The following CALN1 variants were observed in gnomAD, a reference collection of about 807,000 sequenced individuals.
CALN1 encodes the protein calcium-binding protein 8.
Under a neutral mutation model 30.6 loss-of-function variants are expected in CALN1, and 17 were observed. The ratio of observed to expected loss-of-function variants is 0.56; its 90% CI spans 0.38 to 0.83. The LOEUF is 0.83. Ranked by LOEUF, CALN1 falls within the 40% of genes least tolerant of loss-of-function variation. The probability of loss-of-function intolerance (pLI) is 0.00; values close to 1 mark genes in which losing one functional copy is unlikely to be tolerated. For missense variants in CALN1, 291 were observed against 354.9 expected (o/e 0.82, Z 1.45); for synonymous variants, 156 against 131.4 (o/e 1.19, Z -1.28).
At chr7:72,320,940 G>A (rs1016510134) in intron 2 of CALN1, among the ~76,000 whole-genome samples, 1 of 151,542 alleles carries the variant, frequency 6.6e-6, no homozygotes, top group African/African-American at 2.4e-5. Context: ...CCACAGCTGT[G>A]TGACTTTCAG....
intron 2 of CALN1, among the ~76,000 whole-genome samples, chr7:72,284,558 A>C (rs971034601): frequency 2.6e-5 from 4 of 152,184 alleles, no homozygotes; most frequent in Non-Finnish European, 5.9e-5. Flanking sequence ...ATAGGCCTAC[A>C]TGGAATGAAC....
intron 1 of CALN1, among the ~76,000 whole-genome samples, chr7:72,403,707 T>A (rs1806508471): frequency 6.6e-6 from 1 of 152,216 alleles, no homozygotes; most frequent in Non-Finnish European, 1.5e-5. Context: ...ATTTTTCCAT[T>A]CGTACCCCCG....
chr7:72,175,240 A>AT lies in CALN1; in HGVS notation c.245-68947dup, dbSNP rs1456288805. 7.9e-5 allele frequency among the ~76,000 whole-genome samples: 12 copies of AT among 151,922 alleles called. No homozygotes were observed. The East Asian group carries it at 2.1e-3, about 27-fold the overall frequency. On this transcript the variant is annotated intron_variant, in intron 3 of 6. Coordinates refer to ENST00000395275, the MANE Select transcript of CALN1 (RefSeq NM_031468.4). ...AGGCGCCCGCCACCACACCCAGCTAATTTTTTGTATTTTTAGTAGAGACAG... is the reference window on the plus strand; with the variant it reads ...AGGCGCCCGCCACCACACCCAGCTAATTTTTTTGTATTTTTAGTAGAGACAG...
chr7:71,805,589 A>G (rs1272096472), intron 6 of CALN1, among the ~76,000 whole-genome samples: 2 of 152,186 alleles, frequency 1.3e-5, no homozygotes, highest in Non-Finnish European at 2.9e-5. Flanking sequence ...AAATTAATCA[A>G]GGAAGAAGGG....
rs1340803729 is a variant in CALN1 at position 72,098,760 on chromosome 7, GCGCGCA to G, written c.388+7385_388+7390del. Among the ~76,000 whole-genome samples the G allele has an allele frequency of 4.8e-3, 482 of 101,364 alleles. 4 individuals are homozygous for G. The highest frequency in any genetic ancestry group is 7.3e-3 in the Non-Finnish European group (339 of 46,676). The allele number at this position is 101,364 out of a possible 152,430, so 66.5% of individuals were successfully genotyped here. ...AACTCTGAGCAGTTCAGCCCATTTGGCGCGCACACACACACACACACACACACACAC... is the reference window on the plus strand; with the variant it reads ...AACTCTGAGCAGTTCAGCCCATTTGGCACACACACACACACACACACACAC... On this transcript the variant is annotated intron_variant, in intron 4 of 6. Coordinates refer to ENST00000395275, the MANE Select transcript of CALN1 (RefSeq NM_031468.4).
chr7:72,419,010 C>CAAAAAAAAAAGAGAGAGAGACA (rs1807520044), intron 1 of CALN1, among the ~76,000 whole-genome samples: 1 of 151,960 alleles, frequency 6.6e-6, no homozygotes, highest in Admixed American at 6.6e-5. Context: ...AGCAAGACTC[C>CAAAAAAAAAAGAGAGAGAGACA]AAGTAATCCC....
intron 3 of CALN1, among the ~76,000 whole-genome samples, chr7:72,215,846 G>C (rs508374): frequency 0.018 from 2,721 of 152,208 alleles, 73 homozygotes; most frequent in African/African-American, 0.062. Flanking sequence ...CCCAGCCAGT[G>C]ACTGGGCTGG....
intron 5 of CALN1, among the ~76,000 whole-genome samples, chr7:71,953,809 G>C (rs114758746): frequency 0.012 from 1,834 of 152,092 alleles, 33 homozygotes; most frequent in African/African-American, 0.041. Context: ...GATGGGGCTG[G>C]GCTGATGTTT....
intron 1 of CALN1, among the ~76,000 whole-genome samples, chr7:72,441,352 C>A (rs1245512804): frequency 1.3e-5 from 2 of 152,028 alleles, no homozygotes; most frequent in Non-Finnish European, 2.9e-5. Context: ...AATCCCAGCA[C>A]TTTGGGAAGC....
chr7:72,106,230 C>G lies in CALN1; in HGVS notation c.309G>C (p.Leu103=), dbSNP rs1807099071. ...ACCCCAAAGAGCGCATGGCCATGCC[C>G]AGCTCCTGCTTGGAGATGAAGCCGT... ...DGNGFISKQE[L]GMAMRSLGYM... is the part of the protein sequence containing the mutation. Residue 103 remains leucine (L), a synonymous_variant, in exon 4 of 7, where the codon CTG becomes CTC. Transcript: ENST00000395275. 3.3e-5 allele frequency: 53 copies of G among 1,614,054 alleles called. No individual in the cohort carries two copies. The highest frequency in any genetic ancestry group is 4.5e-5 in the Non-Finnish European group (53 of 1,180,024).
intron 5 of CALN1, among the ~76,000 whole-genome samples, chr7:71,892,130 C>G (rs1015142555): frequency 4.9e-4 from 75 of 151,986 alleles, no homozygotes; most frequent in African/African-American, 1.7e-3. Context: ...TGCACAGAAC[C>G]TTGGCCACAT....
At chr7:72,150,452 A>G (rs1787144565) in intron 3 of CALN1, among the ~76,000 whole-genome samples, 1 of 152,210 alleles carries the variant, frequency 6.6e-6, no homozygotes, top group Non-Finnish European at 1.5e-5. Flanking sequence ...GTGCTATTAA[A>G]AAAAACACTG....
intron 2 of CALN1, among the ~76,000 whole-genome samples, chr7:72,377,340 TA>T (rs1804620631): frequency 6.6e-6 from 1 of 152,150 alleles, no homozygotes; most frequent in Admixed American, 6.6e-5. Context: ...CATAGCTGAT[TA>T]AAGTCTTTGT....
intron 1 of CALN1, among the ~76,000 whole-genome samples, chr7:72,406,816 ATCTTGGCCAGGCTGG>A (rs1806731276): frequency 6.6e-6 from 1 of 151,944 alleles, no homozygotes; most frequent in Non-Finnish European, 1.5e-5. Flanking sequence ...GGGTTTCACC[ATCTTGGCCAGGCTGG>A]TCTTGAACTT....
intron 2 of CALN1, among the ~76,000 whole-genome samples, chr7:72,299,122 C>G (rs1799071822): frequency 6.6e-6 from 1 of 152,172 alleles, no homozygotes; most frequent in Non-Finnish European, 1.5e-5. Context: ...ACACTTCACA[C>G]CAGACCAGAC....
chr7:72,084,650 C>T (rs1805365666), intron 4 of CALN1, among the ~76,000 whole-genome samples: 1 of 152,102 alleles, frequency 6.6e-6, no homozygotes, highest in South Asian at 2.1e-4. Context: ...ACTTTTGTAA[C>T]ATTGATGCAG....
chr7:72,396,112 G>A (rs975037971), intron 2 of CALN1, among the ~76,000 whole-genome samples: 3 of 151,336 alleles, frequency 2.0e-5, no homozygotes, highest in Admixed American at 1.3e-4. Flanking sequence ...TAAGAAGGAA[G>A]TCAGGCCGGG....
intron 2 of CALN1, among the ~76,000 whole-genome samples, chr7:72,324,559 A>ATTT (rs1801130068): frequency 1.2e-4 from 15 of 129,870 alleles, no homozygotes; most frequent in African/African-American, 4.1e-4. Flanking sequence ...TAAATGATGT[A>ATTT]ATTTATTTAT....
intron 5 of CALN1, among the ~76,000 whole-genome samples, chr7:71,916,511 C>T (rs1794696261): frequency 6.6e-6 from 1 of 152,088 alleles, no homozygotes; most frequent in African/African-American, 2.4e-5. Context: ...GAGATCATGT[C>T]CTTGCCAGGA....
Sources: allele counts gnomAD v4.1 joint callset (sites outside exome capture counted in the v4.1 genomes callset), GRCh38; gene constraint gnomAD v4.1.1; transcripts MANE v1.5; gene names NCBI Gene and HGNC (gene_info 2026-07-23, HGNC 2026-07-21).